Variants in REXO4 observed in about 807,000 individuals in gnomAD.
REXO4 encodes the protein RNA exonuclease 4.
A neutral mutation model predicts 39.9 loss-of-function variants in REXO4; 29 were observed. The observed-to-expected ratio is 0.73, with a 90% CI of 0.54 to 0.99. The LOEUF is 0.99. Ranked by LOEUF, REXO4 falls within the 50% of genes least tolerant of loss-of-function variation. The pLI is 0.00. For missense variants in REXO4, 524 were observed against 546.5 expected (o/e 0.96, Z 0.41); for synonymous variants, 184 against 206.2 (o/e 0.89, Z 0.92).
At position 133,411,710 on chromosome 9, in the gene REXO4, T is replaced by C. The variant is rs587726983; in HGVS notation, c.910+589A>G. On this transcript the variant is annotated intron_variant, in intron 4 of 7. Transcript: ENST00000371942. ...GGGAGGCGGAGGCAGGCGGATCACC[T>C]GAGTTCGGGAGTTCAAGACCAGCCT... Among the ~76,000 whole-genome samples, 159 of 152,164 alleles carry C rather than the reference T, an allele frequency of 1.0e-3. 1 individual carries two copies. Among genetic ancestry groups the C allele is most frequent in the African/African-American group, 3.6e-3 (148 of 41,552 alleles).
Position 133,412,430 on chromosome 9 carries a change from C to G in REXO4, c.779G>C (p.Ser260Thr), listed in dbSNP as rs782398032. The G allele has an allele frequency of 6.2e-7, 1 of 1,614,000 alleles. No individual in the cohort carries two copies. Among genetic ancestry groups the G allele is most frequent in the Non-Finnish European group, 8.5e-7 (1 of 1,180,034 alleles). ...CACGATGGACACACGGGCGGCCATG[C>G]TCTCCTCCCCCTTAGGGCCCACGCC... ...MVGVGPKGEE[S>T]MAARVSIVNQ... The change falls in exon 4 of 8, where the codon AGC becomes ACC. Residue 260 changes from serine (S) to threonine (T), a missense_variant. Physicochemically the swap from Ser to Thr is moderately conservative, Grantham distance 58 (BLOSUM62 1). Coordinates refer to ENST00000371942, the MANE Select transcript of REXO4 (RefSeq NM_020385.4).
intron 1 of REXO4, 42 bp downstream of exon 1, chr9:133,417,578 A>G (rs781997869): frequency 1.3e-6 from 2 of 1,593,616 alleles, no homozygotes; most frequent in Admixed American, 3.4e-5. Context: ...TTCTGCGGGA[A>G]TGAGCTGCGC....
intron 5 of REXO4, 22 bp from the exon 6 acceptor site, chr9:133,408,864 A>C (rs1175524199): frequency 6.7e-7 from 1 of 1,491,648 alleles, no homozygotes; most frequent in African/African-American, 1.4e-5. Context: ...AAATATAATG[A>C]TAATCATTTT....
intron 1 of REXO4, among the ~76,000 whole-genome samples, chr9:133,415,484 A>G (rs1054517791): frequency 2.6e-5 from 4 of 151,958 alleles, no homozygotes; most frequent in African/African-American, 4.8e-5. Flanking sequence ...GGTGTCATAA[A>G]TGAAAAGAAA....
At chr9:133,411,691 C>T (rs1238616613) in intron 4 of REXO4, among the ~76,000 whole-genome samples, 4 of 152,038 alleles carry the variant, frequency 2.6e-5, no homozygotes, top group South Asian at 2.1e-4. Context: ...CTTTGGGAGG[C>T]GGAGGCAGGC....
intron 7 of REXO4, 61 bp from the exon 8 acceptor site, chr9:133,407,133 C>A: frequency 1.2e-6 from 2 of 1,603,464 alleles, no homozygotes; most frequent in South Asian, 2.2e-5. Context: ...CAGTCAACCC[C>A]ACAATGACTG....
In REXO4 at chr9:133,410,933, G is replaced by A. The variant is rs1839175127; in HGVS notation, c.999+52C>T. The A allele has an allele frequency of 7.3e-6, 10 of 1,372,486 alleles. No homozygotes were observed. In the East Asian group the frequency reaches 2.1e-4, roughly 28 times the overall value. 85.0% of individuals were successfully genotyped at this position (1,372,486 alleles called of 1,614,324 possible). Reference sequence around the variant, plus strand: ...TCCCCAACACAGCAAGGGCGTGAGTGTAACACCCACGGAGCAGGGGCAGGC... The same window carrying A: ...TCCCCAACACAGCAAGGGCGTGAGTATAACACCCACGGAGCAGGGGCAGGC... On this transcript the variant is annotated intron_variant, in intron 5 of 7. Coordinates refer to ENST00000371942, the MANE Select transcript of REXO4 (RefSeq NM_020385.4).
chr9:133,409,416 C>A (rs587606718), intron 5 of REXO4, among the ~76,000 whole-genome samples: 38 of 152,264 alleles, frequency 2.5e-4, no homozygotes, highest in African/African-American at 8.9e-4. Context: ...ATCTTGAAAT[C>A]AAGGAAGTAG....
upstream of REXO4, chr9:133,418,047 G>T (rs1013278584): frequency 3.4e-6 from 2 of 584,038 alleles, no homozygotes; most frequent in South Asian, 2.1e-5. Flanking sequence ...GGAAGCGCTC[G>T]TCTCTCCACA....
At chr9:133,416,091 T>C (rs1010228273) in intron 1 of REXO4, among the ~76,000 whole-genome samples, 1 of 152,226 alleles carries the variant, frequency 6.6e-6, no homozygotes, top group Non-Finnish European at 1.5e-5. Flanking sequence ...TTGCAGGTTG[T>C]ACAAGAAGCA....
rs587636986 is a variant in REXO4 at position 133,406,932 on chromosome 9, A to G, written c.*21T>C. Reference sequence around the variant, plus strand: ...CACATTGCCTCTGTAGCGGGGCGGCAGCAGCAGCAGGGCAGGACTGCTAGG... The same window carrying G: ...CACATTGCCTCTGTAGCGGGGCGGCGGCAGCAGCAGGGCAGGACTGCTAGG... On this transcript the variant is annotated 3_prime_UTR_variant, in exon 8 of 8. Coordinates refer to ENST00000371942, the MANE Select transcript of REXO4 (RefSeq NM_020385.4). The G allele has an allele frequency of 1.2e-5, 20 of 1,604,958 alleles. No homozygotes were observed. In the African/African-American group the frequency reaches 1.6e-4, roughly 13 times the overall value.
chr9:133,415,265 T>C (rs1038734050), intron 1 of REXO4, among the ~76,000 whole-genome samples: 2 of 152,140 alleles, frequency 1.3e-5, no homozygotes, highest in Non-Finnish European at 2.9e-5. Flanking sequence ...CCTTCATGCA[T>C]ACAAAATGTC....
chr9:133,417,784 C>T lies in REXO4; in HGVS notation c.61G>A (p.Gly21Ser), dbSNP rs782165106. The T allele has an allele frequency of 8.7e-6, 14 of 1,610,468 alleles. No homozygotes were observed. The highest frequency in any genetic ancestry group is 1.3e-5 in the African/African-American group (1 of 75,044). Residue 21 changes from glycine to serine, a missense_variant, in exon 1 of 8, where the codon GGT (glycine) becomes AGT (serine). Physicochemically the swap from Gly to Ser is moderately conservative, Grantham distance 56. Coordinates refer to ENST00000371942, the MANE Select transcript of REXO4 (RefSeq NM_020385.4). The stretch of plus-strand genomic sequence containing the variant: ...TTCCGAGTGAGCGTCTTGACAGGAC[C>T]CGGCTTAGCCACGGGGCTGCTCGGG... ...RAPSSPVAKP[G>S]PVKTLTRKKN... is the part of the protein sequence containing the mutation.
chr9:133,407,565 C>G (rs181663841), intron 7 of REXO4, among the ~76,000 whole-genome samples: 8 of 152,288 alleles, frequency 5.3e-5, no homozygotes, highest in Admixed American at 5.2e-4. Context: ...GCAACTTTTT[C>G]TCCAAATAAC....
intron 7 of REXO4, 24 bp downstream of exon 7, chr9:133,407,783 A>C: frequency 6.2e-7 from 1 of 1,608,016 alleles, no homozygotes. Context: ...AAACCCCATG[A>C]ACTACCCCAC....
At chr9:133,416,676 A>G (rs987989675) in intron 1 of REXO4, among the ~76,000 whole-genome samples, 4 of 152,220 alleles carry the variant, frequency 2.6e-5, no homozygotes, top group African/African-American at 9.6e-5. Context: ...GTCACTAGGG[A>G]GACAGCAGGT....
intron 6 of REXO4, among the ~76,000 whole-genome samples, chr9:133,408,122 C>T (rs1346125760): frequency 1.3e-5 from 2 of 152,108 alleles, no homozygotes; most frequent in Non-Finnish European, 2.9e-5. Flanking sequence ...GAGTCAGCAT[C>T]CCCATCTCCC....
At chr9:133,418,073 G>A (rs1023546881), upstream of REXO4, 1 of 550,474 alleles carries the variant, frequency 1.8e-6, no homozygotes, top group East Asian at 3.1e-5. Flanking sequence ...CTGGAAACCG[G>A]ATCCCTGCCT....
At chr9:133,408,978 G>GTGTA in intron 5 of REXO4, 136 bp from the exon 6 acceptor site, 1 of 514,096 alleles carries the variant, frequency 1.9e-6, no homozygotes, top group African/African-American at 2.1e-5. Flanking sequence ...GTGTGTGTGT[G>GTGTA]TGTGTGTGAC....
Sources: gnomAD v4.1 joint callset for allele counts (sites outside exome capture counted in the v4.1 genomes callset) on GRCh38, gnomAD v4.1.1 for gene constraint, MANE v1.5 for transcripts, NCBI Gene and HGNC (gene_info 2026-07-23, HGNC 2026-07-21) for gene names.